Variants in PARN observed in about 807,000 individuals in gnomAD.
PARN encodes the protein poly(A)-specific ribonuclease PARN.
A neutral mutation model predicts 102.8 loss-of-function variants in PARN; 71 were observed. That is an observed-to-expected ratio of 0.69 (90% confidence interval 0.57 to 0.84). The LOEUF (loss-of-function observed/expected upper bound fraction) is 0.84, where lower values mean the gene tolerates loss of function less well. Among genes scored for constraint, PARN ranks in the 40% least tolerant of loss-of-function variants. PARN has a pLI of 0.00. For missense variants in PARN, 782 were observed against 760.9 expected (o/e 1.03, Z -0.33); for synonymous variants, 261 against 252.9 (o/e 1.03, Z -0.30).
chr16:14,605,884 C>T (rs1344040424), intron 10 of PARN, among the ~76,000 whole-genome samples: 1 of 152,144 alleles, frequency 6.6e-6, no homozygotes, highest in African/African-American at 2.4e-5. Context: ...TAGCTTTCTG[C>T]CATAGTAAGA....
intron 18 of PARN, among the ~76,000 whole-genome samples, chr16:14,572,273 T>C (rs1968858832): frequency 6.6e-6 from 1 of 152,080 alleles, no homozygotes; most frequent in South Asian, 2.1e-4. Flanking sequence ...CGAACGGCAG[T>C]TGTGCTAGTA....
intron 22 of PARN, among the ~76,000 whole-genome samples, chr16:14,464,475 G>C (rs1351739297): frequency 2.6e-5 from 4 of 151,896 alleles, no homozygotes; most frequent in African/African-American, 7.3e-5. Flanking sequence ...TGAAGGTGAG[G>C]CCAGGTGTGG....
chr16:14,600,474 G>C (rs1408114834), intron 11 of PARN, among the ~76,000 whole-genome samples: 1 of 152,040 alleles, frequency 6.6e-6, no homozygotes, highest in Non-Finnish European at 1.5e-5. Flanking sequence ...AAGAGGCTCA[G>C]TGTCTCTCTT....
At chr16:14,584,039 T>C (rs1969692327) in intron 16 of PARN, among the ~76,000 whole-genome samples, 1 of 152,210 alleles carries the variant, frequency 6.6e-6, no homozygotes. Context: ...CAATAATGTA[T>C]GAAAGAATAA....
intron 18 of PARN, among the ~76,000 whole-genome samples, chr16:14,579,982 CA>C (rs534284469): frequency 0.28 from 31,497 of 114,038 alleles, 3,526 homozygotes; most frequent in Middle Eastern, 0.34. Context: ...GACACCATCT[CA>C]AAAAAAAAAA....
chr16:14,478,089 G>C (rs1963171794), intron 22 of PARN, among the ~76,000 whole-genome samples: 1 of 152,128 alleles, frequency 6.6e-6, no homozygotes, highest in Admixed American at 6.6e-5. Context: ...TGGGAGGTGG[G>C]AGGATCTCTT....
At chr16:14,588,492 C>T (rs544975636) in intron 13 of PARN, among the ~76,000 whole-genome samples, 1 of 152,292 alleles carries the variant, frequency 6.6e-6, no homozygotes, top group South Asian at 2.1e-4. Context: ...TTAATGCCTT[C>T]TAGTGCCAAG....
At chr16:14,560,649 G>A (rs995771377) in intron 18 of PARN, among the ~76,000 whole-genome samples, 1 of 152,082 alleles carries the variant, frequency 6.6e-6, no homozygotes, top group Non-Finnish European at 1.5e-5. Context: ...TTGTTATCCT[G>A]GCTTTCAAAC....
At position 14,463,513 on chromosome 16, in the gene PARN, CAT is replaced by C. The variant is rs534306767; in HGVS notation, c.1671-16434_1671-16433del. On this transcript the variant is annotated intron_variant, in intron 22 of 23. Transcript: ENST00000437198. The stretch of plus-strand genomic sequence containing the variant: ...CTGAAAGTGATGTGGAACTGATACA[CAT>C]GTTAGAATTAACAGAGTAGGACACT... Among the ~76,000 whole-genome samples the C allele has an allele frequency of 7.2e-4, 109 of 152,176 alleles. 1 individual carries two copies. The highest frequency in any genetic ancestry group is 1.7e-3 in the South Asian group (8 of 4,826).
chr16:14,554,296 T>C, intron 19 of PARN, 145 bp from the exon 20 acceptor site: 1 of 607,686 alleles, frequency 1.6e-6, no homozygotes. Context: ...AAAGTATGCC[T>C]AGGATTGGTG....
chr16:14,501,695 GC>G (rs1470666904), intron 21 of PARN: 1 of 152,080 alleles, frequency 6.6e-6, no homozygotes, highest in African/African-American at 2.4e-5. Context: ...TGGGCAGGCA[GC>G]CCGCTGGAAT....
At chr16:14,588,237 C>T (rs1381594673) in intron 13 of PARN, among the ~76,000 whole-genome samples, 2 of 152,142 alleles carry the variant, frequency 1.3e-5, no homozygotes, top group South Asian at 4.1e-4. Context: ...AAACAAAGCA[C>T]CTCTTAGGGA....
chr16:14,571,950 T>C (rs1377032554), intron 18 of PARN, among the ~76,000 whole-genome samples: 1 of 152,200 alleles, frequency 6.6e-6, no homozygotes, highest in Admixed American at 6.5e-5. Context: ...TTTTTAAATA[T>C]TTAAATTCAA....
At position 14,629,657 on chromosome 16, in the gene PARN, G is replaced by T. The variant is rs756570032; in HGVS notation, c.37C>A (p.His13Asn). 1 of 1,612,730 alleles carries T rather than the reference G, an allele frequency of 6.2e-7. No homozygotes were observed. The highest frequency in any genetic ancestry group is 8.5e-7 in the Non-Finnish European group (1 of 1,178,774). The change falls in exon 2 of 24, where the codon CAC becomes AAC. Residue 13 changes from histidine to asparagine, a missense_variant. Physicochemically the swap from His to Asn is moderately conservative, Grantham distance 68 (BLOSUM62 1). Transcript: ENST00000437198. ...IIRSNFKSNL[H>N]KVYQAIEEAD... ...TCCTCTATGGCCTGGTACACTTTGT[G>T]AAGATTACTCTTAAAATCTGCGGAG...
intron 16 of PARN, among the ~76,000 whole-genome samples, chr16:14,583,113 C>A (rs563794629): frequency 2.0e-5 from 3 of 152,272 alleles, no homozygotes; most frequent in African/African-American, 7.2e-5. Flanking sequence ...CAGCAAAGAC[C>A]GCTTTATATA....
At chr16:14,596,734 T>G (rs953419216) in intron 12 of PARN, among the ~76,000 whole-genome samples, 6 of 151,596 alleles carry the variant, frequency 4.0e-5, no homozygotes, top group Middle Eastern at 3.5e-3. Flanking sequence ...AGACTGTGTC[T>G]CAAAATTAAA....
chr16:14,597,519 AC>A (rs1442430462), intron 12 of PARN, among the ~76,000 whole-genome samples: 1 of 152,022 alleles, frequency 6.6e-6, no homozygotes, highest in Non-Finnish European at 1.5e-5. Context: ...ACATGGTGAA[AC>A]CCCGTCTCTA....
intron 23 of PARN, among the ~76,000 whole-genome samples, chr16:14,438,394 C>T (rs912954520): frequency 8.2e-5 from 12 of 146,960 alleles, no homozygotes; most frequent in African/African-American, 3.0e-4. Flanking sequence ...AGCAACTGCA[C>T]TGCAATACTT....
chr16:14,628,279 GCTTA>G, intron 2 of PARN, 28 bp from the exon 3 acceptor site: 2 of 1,334,142 alleles, frequency 1.5e-6, no homozygotes, highest in Admixed American at 3.7e-5. Context: ...AAAATTTTTA[GCTTA>G]CTAATAAATA....
Sources: gnomAD v4.1 joint callset for allele counts (sites outside exome capture counted in the v4.1 genomes callset) on GRCh38, gnomAD v4.1.1 for gene constraint, MANE v1.5 for transcripts, NCBI Gene and HGNC (gene_info 2026-07-23, HGNC 2026-07-21) for gene names.